Variants in SEMA6D observed in about 807,000 individuals in gnomAD.
SEMA6D encodes semaphorin 6D.
In SEMA6D, 35 loss-of-function variants were observed where a neutral mutation model predicts 106.6. The ratio of observed to expected loss-of-function variants is 0.33; its 90% CI spans 0.25 to 0.44. The LOEUF (loss-of-function observed/expected upper bound fraction) is 0.44, where lower values mean the gene tolerates loss of function less well. Ranked by LOEUF, SEMA6D falls within the 20% of genes least tolerant of loss-of-function variation. The probability of loss-of-function intolerance (pLI) is 1.00; values close to 1 mark genes in which losing one functional copy is unlikely to be tolerated. For missense variants in SEMA6D, 1,185 were observed against 1,345.9 expected (o/e 0.88, Z 1.87); for synonymous variants, 499 against 487.7 (o/e 1.02, Z -0.31).
At chr15:47,460,216 A>C (rs1054381704) in intron 2 of SEMA6D, among the ~76,000 whole-genome samples, 1 of 152,060 alleles carries the variant, frequency 6.6e-6, no homozygotes, top group Non-Finnish European at 1.5e-5. Flanking sequence ...TTTAGAATCT[A>C]ATTTTTATGC....
intron 1 of SEMA6D, among the ~76,000 whole-genome samples, chr15:47,225,780 A>G (rs1595769045): frequency 6.6e-6 from 1 of 151,810 alleles, no homozygotes; most frequent in Admixed American, 6.6e-5. Context: ...TCCGCCCACC[A>G]TGGCCTCCCA....
intron 4 of SEMA6D, among the ~76,000 whole-genome samples, chr15:47,633,080 A>G (rs553930892): frequency 6.6e-6 from 1 of 152,216 alleles, no homozygotes; most frequent in South Asian, 2.1e-4. Flanking sequence ...TACCTTAAGT[A>G]TATTCTCTAC....
At chr15:47,524,223 G>C (rs949849307) in intron 3 of SEMA6D, among the ~76,000 whole-genome samples, 3 of 152,114 alleles carry the variant, frequency 2.0e-5, no homozygotes, top group African/African-American at 7.2e-5. Flanking sequence ...GGTATGGATG[G>C]AACTGCCTAA....
At chr15:47,575,732 AAG>A (rs2076146030) in intron 3 of SEMA6D, among the ~76,000 whole-genome samples, 1 of 152,100 alleles carries the variant, frequency 6.6e-6, no homozygotes, top group African/African-American at 2.4e-5. Context: ...ACAAAAAAAA[AAG>A]AGAGAAGAAG....
intron 9 of SEMA6D, 63 bp downstream of exon 9, chr15:47,763,167 T>A: frequency 7.7e-7 from 1 of 1,295,936 alleles, no homozygotes; most frequent in Non-Finnish European, 1.1e-6. Flanking sequence ...ACCACTGTGA[T>A]AGAGTTAAGG....
intron 1 of SEMA6D, among the ~76,000 whole-genome samples, chr15:47,288,092 G>T (rs540423773): frequency 1.3e-5 from 2 of 152,270 alleles, no homozygotes; most frequent in East Asian, 3.9e-4. Flanking sequence ...ATCACCAAGG[G>T]TATGGCCCAA....
intron 1 of SEMA6D, among the ~76,000 whole-genome samples, chr15:47,338,237 G>T (rs866895907): frequency 1.3e-5 from 2 of 152,136 alleles, no homozygotes; most frequent in African/African-American, 4.8e-5. Context: ...GAATAAATGG[G>T]TTATTAATTT....
At chr15:47,459,433 T>G (rs533613457) in intron 2 of SEMA6D, among the ~76,000 whole-genome samples, 1 of 152,080 alleles carries the variant, frequency 6.6e-6, no homozygotes, top group African/African-American at 2.4e-5. Flanking sequence ...ATGTGACATA[T>G]TTTGTAGACT....
chr15:47,298,562 C>T (rs953626881), intron 1 of SEMA6D, among the ~76,000 whole-genome samples: 2 of 152,128 alleles, frequency 1.3e-5, no homozygotes, highest in Non-Finnish European at 2.9e-5. Context: ...TCATAGAAGT[C>T]ATTGTGTTCT....
At chr15:47,312,421 C>T (rs2143104933) in intron 1 of SEMA6D, among the ~76,000 whole-genome samples, 1 of 152,256 alleles carries the variant, frequency 6.6e-6, no homozygotes, top group East Asian at 1.9e-4. Flanking sequence ...TGCACATCTG[C>T]TCCAGTCGGG....
intron 1 of SEMA6D, among the ~76,000 whole-genome samples, chr15:47,734,679 T>G (rs2080343097): frequency 6.6e-6 from 1 of 152,104 alleles, no homozygotes; most frequent in South Asian, 2.1e-4. Flanking sequence ...CTACACATGG[T>G]CTCCAAGAAC....
chr15:47,611,654 G>A (rs368787075), intron 4 of SEMA6D, among the ~76,000 whole-genome samples: 6 of 152,104 alleles, frequency 3.9e-5, no homozygotes, highest in African/African-American at 1.2e-4. Context: ...GTATAGAAAC[G>A]TAAATCTTAG....
intron 4 of SEMA6D, among the ~76,000 whole-genome samples, chr15:47,625,193 G>T (rs902952556): frequency 6.6e-6 from 1 of 152,054 alleles, no homozygotes; most frequent in Non-Finnish European, 1.5e-5. Context: ...CTTGCTCATG[G>T]AGAGGAATAA....
chr15:47,495,964 C>A (rs540791957), intron 3 of SEMA6D, among the ~76,000 whole-genome samples: 2 of 152,062 alleles, frequency 1.3e-5, no homozygotes, highest in African/African-American at 4.8e-5. Flanking sequence ...TTAAACTAAT[C>A]AATATTTCTT....
At chr15:47,587,732 G>A (rs1216406976) in intron 3 of SEMA6D, among the ~76,000 whole-genome samples, 2 of 152,212 alleles carry the variant, frequency 1.3e-5, no homozygotes, top group Middle Eastern at 3.4e-3. Context: ...ATAAAAACAG[G>A]TGGTGGGGCC....
At chr15:47,397,502 C>CTAGT (rs2040254454) in intron 1 of SEMA6D, 1 of 151,564 alleles carries the variant, frequency 6.6e-6, no homozygotes, top group Non-Finnish European at 1.5e-5. Flanking sequence ...GTGTAAGCAA[C>CTAGT]TAGTTATTCA....
intron 1 of SEMA6D, among the ~76,000 whole-genome samples, chr15:47,323,194 C>G (rs571521117): frequency 6.6e-6 from 1 of 152,176 alleles, no homozygotes; most frequent in South Asian, 2.1e-4. Flanking sequence ...CTCCTGTTGT[C>G]CAGGTAGTAG....
chr15:47,343,126 T>C (rs987587122), intron 1 of SEMA6D, among the ~76,000 whole-genome samples: 1 of 152,134 alleles, frequency 6.6e-6, no homozygotes, highest in African/African-American at 2.4e-5. Flanking sequence ...CTTTAATCCC[T>C]ATTATAGGGC....
intron 1 of SEMA6D, among the ~76,000 whole-genome samples, chr15:47,320,857 C>G (rs1220083384): frequency 6.6e-6 from 1 of 152,098 alleles, no homozygotes; most frequent in African/African-American, 2.4e-5. Context: ...GCCCGCCCCC[C>G]ACCTTAGATT....
Sources: gnomAD v4.1 joint callset for allele counts (sites outside exome capture counted in the v4.1 genomes callset) on GRCh38, gnomAD v4.1.1 for gene constraint, MANE v1.5 for transcripts, NCBI Gene and HGNC (gene_info 2026-07-23, HGNC 2026-07-21) for gene names.